Variants in EVA1C observed in about 807,000 individuals in gnomAD.
The protein encoded by EVA1C is eva-1 homolog C.
In EVA1C, 25 loss-of-function variants were observed where a neutral mutation model predicts 45.4. The observed-to-expected ratio is 0.55, with a 90% confidence interval of 0.40 to 0.77. The LOEUF (loss-of-function observed/expected upper bound fraction) is 0.77. EVA1C is among the 30% of genes least tolerant of loss of function. The pLI is 0.00. For synonymous variants in EVA1C, 190 were observed against 221.2 expected (o/e 0.86, Z 1.25); for missense variants, 479 against 554.8 (o/e 0.86, Z 1.37).
rs1487962281 is a variant in EVA1C at position 32,503,783 on chromosome 21, A to G, written c.860-143A>G. ...TGCTCTTCCTGGGTTAATCTTCTGT[A>G]ATTTAGCCAGAGGCCCATTTGTTTG... On this transcript the variant is annotated intron_variant, in intron 6 of 7. Transcript: ENST00000300255. 3 of 599,086 alleles carry G rather than the reference A, an allele frequency of 5.0e-6. 1 individual carries two copies. Among genetic ancestry groups the G allele is most frequent in the Admixed American group, 3.1e-5 (1 of 32,374 alleles). 37.1% of individuals were successfully genotyped at this position (599,086 alleles called of 1,614,324 possible). A position where few individuals can be genotyped will look rare whatever the true frequency, so the allele number is the denominator to read the frequency against.
intron 3 of EVA1C, among the ~76,000 whole-genome samples, chr21:32,466,858 G>A (rs1305017032): frequency 4.0e-5 from 6 of 150,650 alleles, no homozygotes; most frequent in Admixed American, 4.0e-4. Flanking sequence ...ATGAGGTCTT[G>A]CTATGTTTCC....
intron 1 of EVA1C, among the ~76,000 whole-genome samples, chr21:32,429,651 G>C (rs2034623851): frequency 6.6e-6 from 1 of 152,110 alleles, no homozygotes; most frequent in African/African-American, 2.4e-5. Context: ...ACTACACCTG[G>C]CCCCTCAATT....
intron 3 of EVA1C, among the ~76,000 whole-genome samples, chr21:32,461,919 G>A (rs1347702677): frequency 4.6e-5 from 7 of 152,166 alleles, no homozygotes; most frequent in Non-Finnish European, 8.8e-5. Flanking sequence ...GTTGGGCAGT[G>A]TAGGGACACT....
rs183549134 is a variant in EVA1C, at chr21:32,431,568, T to C, written c.160+18555T>C. Reference sequence around the variant, plus strand: ...GGCACTGATATTCATGCAGAGCTTCTGAGATGATCCTATTACATCGCCAAG... The same window carrying C: ...GGCACTGATATTCATGCAGAGCTTCCGAGATGATCCTATTACATCGCCAAG... On this transcript the variant is annotated intron_variant, in intron 1 of 7. Coordinates refer to ENST00000300255, the MANE Select transcript of EVA1C (RefSeq NM_058187.5). 2.6e-4 allele frequency among the ~76,000 whole-genome samples: 39 copies of C among 152,364 alleles called. No homozygotes were observed. In the East Asian group the frequency reaches 7.1e-3, roughly 28 times the overall value.
At chr21:32,468,219 A>G (rs1305640904) in intron 4 of EVA1C, among the ~76,000 whole-genome samples, 2 of 152,006 alleles carry the variant, frequency 1.3e-5, no homozygotes, top group African/African-American at 4.8e-5. Flanking sequence ...AGCTACAAAA[A>G]TTAGCCAGGC....
At chr21:32,434,577 C>T (rs1017223463) in intron 1 of EVA1C, among the ~76,000 whole-genome samples, 5 of 150,692 alleles carry the variant, frequency 3.3e-5, no homozygotes, top group East Asian at 1.9e-4. Flanking sequence ...GGCGACAGAG[C>T]GAGACTCCGT....
At chr21:32,507,524 CTG>C (rs1184099611) in intron 7 of EVA1C, among the ~76,000 whole-genome samples, 9 of 139,900 alleles carry the variant, frequency 6.4e-5, no homozygotes, top group East Asian at 2.2e-4. Context: ...GCATGTGTCT[CTG>C]TGTGTGCATG....
intron 4 of EVA1C, among the ~76,000 whole-genome samples, chr21:32,477,165 G>A (rs934522840): frequency 2.0e-5 from 3 of 152,126 alleles, no homozygotes; most frequent in Non-Finnish European, 4.4e-5. Flanking sequence ...TCACAGGTGA[G>A]CTGGGAAGCT....
intron 4 of EVA1C, among the ~76,000 whole-genome samples, chr21:32,479,387 C>T (rs1855242882): frequency 6.6e-6 from 1 of 152,200 alleles, no homozygotes; most frequent in South Asian, 2.1e-4. Context: ...CGTGCCACTG[C>T]ACTCCAGCCT....
At chr21:32,430,833 C>T (rs917131607) in intron 1 of EVA1C, among the ~76,000 whole-genome samples, 32 of 151,934 alleles carry the variant, frequency 2.1e-4, no homozygotes, top group African/African-American at 5.8e-4. Context: ...ATTAGCCAGG[C>T]GTGATGGCTC....
In EVA1C at chr21:32,445,122, A is replaced by G. The variant is rs563751779; in HGVS notation, c.161-8190A>G. ...GAGGGCTTCAATATTTAAAGGGGAA[A>G]GGATGGATATTGGGGGAATATACAA... On this transcript the variant is annotated intron_variant, in intron 1 of 7. Coordinates refer to ENST00000300255, the MANE Select transcript of EVA1C (RefSeq NM_058187.5). Among the ~76,000 whole-genome samples, 35 of 152,332 alleles carry G rather than the reference A, an allele frequency of 2.3e-4. No individual in the cohort carries two copies. In the East Asian group the frequency reaches 6.2e-3, roughly 27 times the overall value.
At chr21:32,494,932 C>A in intron 4 of EVA1C, 95 bp from the exon 5 acceptor site, 1 of 1,294,642 alleles carries the variant, frequency 7.7e-7, no homozygotes, top group Admixed American at 2.1e-5. Flanking sequence ...GATTTGAATC[C>A]AGCTCAGCAT....
chr21:32,462,625 G>A (rs1047141561), intron 3 of EVA1C, among the ~76,000 whole-genome samples: 1 of 152,210 alleles, frequency 6.6e-6, no homozygotes, highest in African/African-American at 2.4e-5. Flanking sequence ...ACTGTGACAT[G>A]TTCGTGATGG....
intron 4 of EVA1C, among the ~76,000 whole-genome samples, chr21:32,470,740 CTTTCTTTCTTTTTCTT>C (rs1245605214): frequency 6.6e-6 from 1 of 150,746 alleles, no homozygotes; most frequent in African/African-American, 2.4e-5. Context: ...AGCTATCTTT[CTTTCTTTCTTTTTCTT>C]TTTCTTTCTT....
chr21:32,451,700 T>G lies in EVA1C; in HGVS notation c.161-1612T>G, dbSNP rs148425541. On this transcript the variant is annotated intron_variant, in intron 1 of 7. Transcript: ENST00000300255. ...GAATCCTTCCTGGCCTTTTCCAGCTTTGGGTGGTGGCCGGCAACGCTCGGC... is the reference window on the plus strand; with the variant it reads ...GAATCCTTCCTGGCCTTTTCCAGCTGTGGGTGGTGGCCGGCAACGCTCGGC... 1.6e-3 allele frequency among the ~76,000 whole-genome samples: 237 copies of G among 152,288 alleles called. 1 individual carries two copies. Among genetic ancestry groups the G allele is most frequent in the African/African-American group, 5.4e-3 (226 of 41,556 alleles).
At position 32,501,498 on chromosome 21, in the gene EVA1C, A is replaced by T. The variant is rs1216683365; in HGVS notation, c.859+3A>T. ...GAAGCAGAAAGATGGTGAATATGGT[A>T]ATTTTTATGGCTTACTACCAGCATT... On this transcript the variant is annotated splice_donor_region_variant and intron_variant, in intron 6 of 7. Transcript: ENST00000300255. 4 of 1,595,014 alleles carry T rather than the reference A, an allele frequency of 2.5e-6. No homozygotes were observed. Among genetic ancestry groups the T allele is most frequent in the Admixed American group, 1.7e-5 (1 of 59,782 alleles).
intron 4 of EVA1C, among the ~76,000 whole-genome samples, chr21:32,477,567 G>T (rs1264127329): frequency 6.6e-6 from 1 of 152,026 alleles, no homozygotes; most frequent in Non-Finnish European, 1.5e-5. Flanking sequence ...TCATGGGTGG[G>T]TGGTTTGGTG....
At chr21:32,465,136 C>T (rs74557402) in intron 3 of EVA1C, among the ~76,000 whole-genome samples, 11,976 of 152,240 alleles carry the variant, frequency 0.079, 547 homozygotes, top group Middle Eastern at 0.19. Context: ...GTTTTCTAAA[C>T]TACTCTATGC....
In EVA1C at chr21:32,448,916, G is replaced by GAGAGAAAGAAAGAAAGAGAGAA. The variant is rs1568893976; in HGVS notation, c.161-4375_161-4374insAAGAGAAAGAAAGAAAGAGAGA. 3.4e-5 allele frequency among the ~76,000 whole-genome samples: 5 copies of GAGAGAAAGAAAGAAAGAGAGAA among 145,940 alleles called. No homozygotes were observed. In the South Asian group the frequency reaches 6.5e-4, roughly 19 times the overall value. ...AAAGAAAAAAAAAGAAAGGAGAAAA[G>GAGAGAAAGAAAGAAAGAGAGAA]AGAGAAAGAAAGAAAGAGAGAGAAA... On this transcript the variant is annotated intron_variant, in intron 1 of 7. Transcript: ENST00000300255.
Sources: gnomAD v4.1 joint callset for allele counts (sites outside exome capture counted in the v4.1 genomes callset) on GRCh38, gnomAD v4.1.1 for gene constraint, MANE v1.5 for transcripts, NCBI Gene and HGNC (gene_info 2026-07-23, HGNC 2026-07-21) for gene names.